The following WASF2 variants were observed in gnomAD, a reference collection of about 807,000 sequenced individuals.
The protein encoded by WASF2 is actin-binding protein WASF2.
Under a neutral mutation model 45.0 loss-of-function variants are expected in WASF2, and 14 were observed. That is an observed-to-expected ratio of 0.31 (90% CI 0.21 to 0.49). The LOEUF (loss-of-function observed/expected upper bound fraction) is 0.49, where lower values mean the gene tolerates loss of function less well. Ranked by LOEUF, WASF2 falls within the 20% of genes least tolerant of loss-of-function variation. The pLI, the probability that WASF2 is intolerant of heterozygous loss-of-function variation, is 0.99. For synonymous variants in WASF2, 200 were observed against 236.3 expected (o/e 0.85, Z 1.41); for missense variants, 439 against 636.1 (o/e 0.69, Z 3.33).
chr1:27,443,364 A>G (rs1187421171), intron 1 of WASF2, among the ~76,000 whole-genome samples: 2 of 149,914 alleles, frequency 1.3e-5, no homozygotes, highest in Non-Finnish European at 3.0e-5. Flanking sequence ...CTGTAGTCCC[A>G]GCACTTCGGG....
intron 1 of WASF2, among the ~76,000 whole-genome samples, chr1:27,465,188 T>C (rs2017598160): frequency 6.6e-6 from 1 of 152,214 alleles, no homozygotes; most frequent in Non-Finnish European, 1.5e-5. Flanking sequence ...TTTATTAATA[T>C]AGACTCCACA....
chr1:27,463,943 G>A (rs945379938), intron 1 of WASF2, among the ~76,000 whole-genome samples: 3 of 151,326 alleles, frequency 2.0e-5, no homozygotes, highest in Non-Finnish European at 2.9e-5. Context: ...GGCTAATTAT[G>A]TATTCTTAGT....
chr1:27,458,664 A>G (rs1372044943), intron 1 of WASF2, among the ~76,000 whole-genome samples: 1 of 150,888 alleles, frequency 6.6e-6, no homozygotes, highest in African/African-American at 2.4e-5. Flanking sequence ...GTGGTGGTGC[A>G]TGCCTGTAAT....
At chr1:27,449,196 G>T (rs1415061214) in intron 1 of WASF2, among the ~76,000 whole-genome samples, 1 of 152,158 alleles carries the variant, frequency 6.6e-6, no homozygotes, top group Non-Finnish European at 1.5e-5. Flanking sequence ...AAAATGAGCG[G>T]TTTTTTCACT....
intron 1 of WASF2, among the ~76,000 whole-genome samples, chr1:27,457,797 A>G (rs2017492760): frequency 6.6e-6 from 1 of 151,952 alleles, no homozygotes; most frequent in East Asian, 1.9e-4. Context: ...ATTTTTAAAA[A>G]TTTTTGTAGA....
chr1:27,477,045 T>C (rs559969060), intron 1 of WASF2, among the ~76,000 whole-genome samples: 5 of 152,220 alleles, frequency 3.3e-5, no homozygotes, highest in African/African-American at 1.2e-4. Flanking sequence ...AACAAAATAC[T>C]GGCTGTCATT....
At chr1:27,424,957 CCAGA>C (rs1278563945) in intron 2 of WASF2, among the ~76,000 whole-genome samples, 1 of 152,174 alleles carries the variant, frequency 6.6e-6, no homozygotes, top group African/African-American at 2.4e-5. Context: ...CTACAGGCAG[CCAGA>C]CAGACAAAGA....
At chr1:27,470,862 C>T (rs1034870861) in intron 1 of WASF2, among the ~76,000 whole-genome samples, 5 of 152,146 alleles carry the variant, frequency 3.3e-5, no homozygotes, top group Admixed American at 3.3e-4. Flanking sequence ...AGTAAACATG[C>T]CTCCCAAGCA....
intron 8 of WASF2, among the ~76,000 whole-genome samples, chr1:27,409,428 CAAAAAAAAAAAAAAAA>C (rs60940665): frequency 2.3e-5 from 1 of 43,692 alleles, no homozygotes; most frequent in African/African-American, 6.0e-5. Flanking sequence ...CTGTCCCCCA[CAAAAAAAAAAAAAAAA>C]AAAAAAAAAA....
rs577695042 is a variant in WASF2 at position 27,468,968 on chromosome 1, TC to T, written c.-44+21017del. Reference sequence around the variant, plus strand: ...AGACATAGAAGCTATGTAAACCAAATCAATGTATCAACCTTGTCTGAAACCT... The same window carrying T: ...AGACATAGAAGCTATGTAAACCAAATAATGTATCAACCTTGTCTGAAACCT... On this transcript the variant is annotated intron_variant, in intron 1 of 8. Transcript: ENST00000618852. Among the ~76,000 whole-genome samples the T allele has an allele frequency of 1.6e-3, 225 of 144,308 alleles. 2 individuals carry two copies. Among genetic ancestry groups the T allele is most frequent in the Middle Eastern group, 7.4e-3 (2 of 270 alleles). The allele number at this position is 144,308 out of a possible 152,430, so 94.7% of individuals were successfully genotyped here. A position where few individuals can be genotyped will look rare whatever the true frequency, so the allele number is the denominator to read the frequency against.
chr1:27,435,072 C>G lies in WASF2; in HGVS notation c.-43-6139G>C, dbSNP rs1015634106. Among the ~76,000 whole-genome samples, 8 of 152,076 alleles carry G rather than the reference C, an allele frequency of 5.3e-5. No individual in the cohort carries two copies. In the East Asian group the frequency reaches 1.5e-3, roughly 29 times the overall value. On this transcript the variant is annotated intron_variant, in intron 1 of 8. Transcript: ENST00000618852. ...AGCAATTCTCCTGCCTCAGCCTTCC[C>G]AAGTAGCTGGGATTACAGGCATACA...
intron 1 of WASF2, among the ~76,000 whole-genome samples, chr1:27,471,692 G>C (rs545749874): frequency 2.0e-4 from 30 of 152,200 alleles, no homozygotes; most frequent in African/African-American, 7.0e-4. Context: ...GAGAAGCAAG[G>C]CCTGAGACAA....
chr1:27,461,460 A>AC (rs1488228535), intron 1 of WASF2, among the ~76,000 whole-genome samples: 2 of 127,700 alleles, frequency 1.6e-5, no homozygotes, highest in African/African-American at 6.0e-5. Flanking sequence ...CCACTTCAGC[A>AC]TTTTTTTTTT....
intron 1 of WASF2, among the ~76,000 whole-genome samples, chr1:27,447,381 A>AT (rs1388433155): frequency 6.6e-6 from 1 of 152,124 alleles, no homozygotes; most frequent in Non-Finnish European, 1.5e-5. Context: ...AATGAAATAG[A>AT]TTTTTCCCGT....
chr1:27,428,198 T>G (rs1161583988), intron 2 of WASF2, among the ~76,000 whole-genome samples: 1 of 152,194 alleles, frequency 6.6e-6, no homozygotes, highest in Non-Finnish European at 1.5e-5. Flanking sequence ...ATCTGTACCC[T>G]GAACTTGGAC....
chr1:27,411,317 A>C (rs1411771310), intron 7 of WASF2, among the ~76,000 whole-genome samples: 2 of 152,266 alleles, frequency 1.3e-5, no homozygotes, highest in African/African-American at 2.4e-5. Flanking sequence ...ATCTCTTTTC[A>C]GTCATTACTG....
At chr1:27,454,171 A>T (rs1571148205) in intron 1 of WASF2, among the ~76,000 whole-genome samples, 3 of 38,146 alleles carry the variant, frequency 7.9e-5, no homozygotes, top group African/African-American at 2.8e-4. Flanking sequence ...ATATATATAT[A>T]TATATATATA....
intron 8 of WASF2, among the ~76,000 whole-genome samples, chr1:27,409,044 A>C (rs2016718234): frequency 1.3e-5 from 2 of 152,038 alleles, no homozygotes; most frequent in African/African-American, 4.8e-5. Flanking sequence ...CTGATGAAAA[A>C]TGGGGATCCT....
intron 1 of WASF2, among the ~76,000 whole-genome samples, chr1:27,434,263 G>C (rs534443954): frequency 1.3e-5 from 2 of 152,162 alleles, no homozygotes; most frequent in African/African-American, 4.8e-5. Context: ...GAAGGTGTTG[G>C]AAAGTCAGAC....
Sources: allele counts gnomAD v4.1 joint callset (sites outside exome capture counted in the v4.1 genomes callset), GRCh38; gene constraint gnomAD v4.1.1; transcripts MANE v1.5; gene names NCBI Gene and HGNC (gene_info 2026-07-23, HGNC 2026-07-21).